HIVEP3: variants seen among roughly 807,000 people sequenced by gnomAD.
HIVEP3 encodes the protein HIVEP zinc finger 3, also known as transcription factor HIVEP3.
A neutral mutation model predicts 152.8 loss-of-function variants in HIVEP3; 49 were observed. That is an observed-to-expected ratio of 0.32 (90% CI 0.26 to 0.41). The LOEUF (loss-of-function observed/expected upper bound fraction) is 0.41. Ranked by LOEUF, HIVEP3 falls within the 10% of genes least tolerant of loss-of-function variation. The pLI, the probability that HIVEP3 is intolerant of heterozygous loss-of-function variation, is 1.00. For missense variants in HIVEP3, 2,790 were observed against 3,103.3 expected, an observed-to-expected ratio of 0.90 and a Z score of 2.40; for synonymous variants, 1,269 against 1,289.0, an observed-to-expected ratio of 0.98 and a Z score of 0.33.
Position 41,805,837 on chromosome 1 carries a change from T to C in HIVEP3, c.-800-104842A>G, listed in dbSNP as rs563244185. Among the ~76,000 whole-genome samples the C allele has an allele frequency of 3.3e-5, 5 of 152,314 alleles. No homozygotes were observed. The East Asian group carries it at 9.6e-4, about 29-fold the overall frequency. On this transcript the variant is annotated intron_variant, in intron 1 of 8. Transcript: ENST00000372583. ...TCCATCCTGATGGAGAGCACCTCTT[T>C]TGGGGGTCTGATTTGTGTCTCTCAG...
intron 1 of HIVEP3, among the ~76,000 whole-genome samples, chr1:41,917,978 C>T (rs1040292377): frequency 2.6e-5 from 4 of 152,208 alleles, no homozygotes; most frequent in Non-Finnish European, 5.9e-5. Context: ...AACGCCGGTG[C>T]CACGGAACGC....
intron 2 of HIVEP3, among the ~76,000 whole-genome samples, chr1:41,656,833 C>T (rs1040697147): frequency 5.9e-5 from 9 of 152,226 alleles, no homozygotes; most frequent in South Asian, 2.1e-4. Context: ...GAGTCAAGTT[C>T]CTCCTGGTAA....
chr1:41,567,359 C>A (rs1362433447), intron 5 of HIVEP3, among the ~76,000 whole-genome samples: 2 of 152,216 alleles, frequency 1.3e-5, no homozygotes, highest in Non-Finnish European at 2.9e-5. Context: ...AACCACTACT[C>A]CTTCCCAAAG....
At chr1:41,895,018 T>G (rs1644505561) in intron 1 of HIVEP3, among the ~76,000 whole-genome samples, 1 of 143,160 alleles carries the variant, frequency 7.0e-6, no homozygotes, top group Non-Finnish European at 1.5e-5. Flanking sequence ...AACACAACAG[T>G]CTCACAAGTT....
rs781698184 is a variant in HIVEP3 at position 41,584,248 on chromosome 1, T to C, written c.550A>G (p.Arg184Gly). 6 of 1,613,596 alleles carry C rather than the reference T, an allele frequency of 3.7e-6. No individual in the cohort carries two copies. In the South Asian group the frequency reaches 6.6e-5, roughly 18 times the overall value. Residue 184 changes from arginine to glycine, a missense_variant, in exon 4 of 9, where the codon AGG (arginine) becomes GGG (glycine). Transcript: ENST00000372583. This position sits in a 1 kb window ranked among gnomAD's most constrained non-coding sequence, Gnocchi z 5.2. ...KPTEEAHKKE[R>G]KPQKPGKYIC... is the part of the protein sequence containing the mutation. ...TACTTGCCTGGCTTCTGGGGCTTCC[T>C]CTCCTTCTTGTGTGCCTCTTCTGTG...
At chr1:41,756,363 A>G (rs1343599580) in intron 1 of HIVEP3, among the ~76,000 whole-genome samples, 1 of 150,812 alleles carries the variant, frequency 6.6e-6, no homozygotes, top group Admixed American at 6.6e-5. Context: ...GATTTTGGTG[A>G]ATCTACACAT....
chr1:41,542,718 A>G (rs1643561835), intron 5 of HIVEP3: 1 of 152,592 alleles, frequency 6.6e-6, no homozygotes, highest in Non-Finnish European at 1.5e-5. Flanking sequence ...CAGAGCCGCC[A>G]ACATGGAATG....
At chr1:41,614,058 C>G (rs1347395901) in intron 3 of HIVEP3, among the ~76,000 whole-genome samples, 1 of 152,338 alleles carries the variant, frequency 6.6e-6, no homozygotes, top group East Asian at 1.9e-4. Flanking sequence ...TGGAGCTGGC[C>G]GCTCTGAGCC....
At chr1:41,564,568 G>A (rs1028577436) in intron 5 of HIVEP3, among the ~76,000 whole-genome samples, 1 of 152,210 alleles carries the variant, frequency 6.6e-6, no homozygotes, top group African/African-American at 2.4e-5. Flanking sequence ...ACAGGACTGA[G>A]AATGGACTTG....
intron 1 of HIVEP3, among the ~76,000 whole-genome samples, chr1:41,816,268 C>G (rs902274063): frequency 6.6e-6 from 1 of 152,150 alleles, no homozygotes; most frequent in Non-Finnish European, 1.5e-5. Context: ...ATGGCACAAT[C>G]GGGGTGGGTA....
intron 1 of HIVEP3, among the ~76,000 whole-genome samples, chr1:41,812,792 G>A (rs1398120735): frequency 6.6e-6 from 1 of 151,378 alleles, no homozygotes; most frequent in Non-Finnish European, 1.5e-5. Context: ...CCTTCCCTGA[G>A]GGTGCACTCC....
At chr1:41,660,979 A>G (rs1200870008) in intron 2 of HIVEP3, among the ~76,000 whole-genome samples, 1 of 152,212 alleles carries the variant, frequency 6.6e-6, no homozygotes, top group Non-Finnish European at 1.5e-5. Flanking sequence ...TGGAACAGAA[A>G]GGGTGTTCTA....
chr1:41,692,133 T>C (rs1646207306), intron 2 of HIVEP3, among the ~76,000 whole-genome samples: 1 of 152,226 alleles, frequency 6.6e-6, no homozygotes, highest in African/African-American at 2.4e-5. Flanking sequence ...CGCGAGCCAC[T>C]GCGCCCAGTG....
chr1:41,637,928 A>G (rs1049612313), intron 2 of HIVEP3, among the ~76,000 whole-genome samples: 1 of 152,234 alleles, frequency 6.6e-6, no homozygotes, highest in African/African-American at 2.4e-5. Context: ...TAAGAGGCCA[A>G]TATCTTAAGT....
chr1:41,741,988 C>T (rs773721742), intron 1 of HIVEP3, among the ~76,000 whole-genome samples: 2 of 152,234 alleles, frequency 1.3e-5, no homozygotes, highest in Non-Finnish European at 2.9e-5. Flanking sequence ...AAATGTTTTC[C>T]TATTCCTGAC....
Position 41,533,140 on chromosome 1 carries a change from C to T in HIVEP3, c.5208-8230G>A, listed in dbSNP as rs999760592. Among the ~76,000 whole-genome samples, 18 of 152,232 alleles carry T rather than the reference C, an allele frequency of 1.2e-4. No individual in the cohort carries two copies. Among genetic ancestry groups the T allele is most frequent in the African/African-American group, 4.1e-4 (17 of 41,528 alleles). Reference sequence around the variant, plus strand: ...GTTCAACGACCTGGAACCTGTGGCTCCTCTGCTCGTTGAAGGCCAGGACCG... The same window carrying T: ...GTTCAACGACCTGGAACCTGTGGCTTCTCTGCTCGTTGAAGGCCAGGACCG... On this transcript the variant is annotated intron_variant, in intron 5 of 8. Coordinates refer to ENST00000372583, the MANE Select transcript of HIVEP3 (RefSeq NM_024503.5). The surrounding 1 kb of genome is among the most constrained non-coding windows in gnomAD (Gnocchi z 4.3).
intron 1 of HIVEP3, among the ~76,000 whole-genome samples, chr1:41,984,344 C>T (rs576105969): frequency 3.0e-4 from 45 of 151,954 alleles, no homozygotes; most frequent in Admixed American, 6.5e-4. Flanking sequence ...AGCAAGCAGA[C>T]AATACAGAAG....
At chr1:41,547,254 G>T (rs1558050536) in intron 5 of HIVEP3, among the ~76,000 whole-genome samples, 1 of 152,266 alleles carries the variant, frequency 6.6e-6, no homozygotes, top group East Asian at 1.9e-4. Flanking sequence ...CCTGCCTGTG[G>T]GCTCAAAAGA....
intron 1 of HIVEP3, among the ~76,000 whole-genome samples, chr1:41,901,996 T>C (rs573561897): frequency 1.3e-5 from 2 of 152,116 alleles, no homozygotes; most frequent in East Asian, 1.9e-4. Context: ...CTGTTGGGTA[T>C]TGAATGAATG....
Sources: gnomAD v4.1 joint callset for allele counts (sites outside exome capture counted in the v4.1 genomes callset) on GRCh38, gnomAD v4.1.1 for gene constraint, Gnocchi (gnomAD v3.1) non-coding constraint, MANE v1.5 for transcripts, NCBI Gene and HGNC (gene_info 2026-07-23, HGNC 2026-07-21) for gene names.